TMC1: variants seen among roughly 807,000 people sequenced by gnomAD.
TMC1 encodes transmembrane channel-like protein 1.
In TMC1, 84 loss-of-function variants were observed where a neutral mutation model predicts 105.8. The observed-to-expected ratio is 0.79, with a 90% CI of 0.67 to 0.95. TMC1 has a LOEUF of 0.95. Among genes scored for constraint, TMC1 ranks in the 40% least tolerant of loss-of-function variants. The pLI is 0.00. For synonymous variants in TMC1, 315 were observed against 311.5 expected (o/e 1.01, Z -0.12); for missense variants, 817 against 914.1 (o/e 0.89, Z 1.37).
chr9:72,571,453 T>C (rs529210316), intron 1 of TMC1, among the ~76,000 whole-genome samples: 2 of 151,314 alleles, frequency 1.3e-5, no homozygotes, highest in African/African-American at 2.4e-5. Flanking sequence ...TTTTTTTTTT[T>C]TTCTTTTTTT....
intron 8 of TMC1, among the ~76,000 whole-genome samples, chr9:72,721,358 G>T (rs992693324): frequency 1.3e-5 from 2 of 152,180 alleles, no homozygotes; most frequent in African/African-American, 4.8e-5. Flanking sequence ...GCCTTTGGAA[G>T]CTTAGGGCTG....
chr9:72,716,524 C>T (rs946054089), intron 8 of TMC1, among the ~76,000 whole-genome samples: 3 of 152,252 alleles, frequency 2.0e-5, no homozygotes, highest in African/African-American at 7.2e-5. Context: ...TGGTGAGCTT[C>T]GTCCAGTTTG....
rs145895347 is a variant in TMC1, at chr9:72,776,737, G to A, written c.884+4182G>A. On this transcript the variant is annotated intron_variant, in intron 13 of 23. Coordinates refer to ENST00000297784, the MANE Select transcript of TMC1 (RefSeq NM_138691.3). ...GATGGAGAAATTAAGGCTCAGCAGA[G>A]TTTGAGGATTTCACTAAGTTCAAAT... Among the ~76,000 whole-genome samples the A allele has an allele frequency of 2.4e-3, 363 of 152,242 alleles. 2 individuals are homozygous for A. The highest frequency in any genetic ancestry group is 8.1e-3 in the African/African-American group (335 of 41,542).
intron 2 of TMC1, among the ~76,000 whole-genome samples, chr9:72,582,369 C>G (rs1403133062): frequency 6.6e-6 from 1 of 152,222 alleles, no homozygotes; most frequent in African/African-American, 2.4e-5. Context: ...CGATAATTTA[C>G]TTAGCTCCCT....
intron 1 of TMC1, among the ~76,000 whole-genome samples, chr9:72,568,892 A>G (rs1411946693): frequency 6.6e-6 from 1 of 152,224 alleles, no homozygotes; most frequent in Non-Finnish European, 1.5e-5. Context: ...TTTAGAAAAT[A>G]AAAGCTAAAT....
rs184458904 is a variant in TMC1, at chr9:72,737,012, G to A, written c.363-3107G>A. Among the ~76,000 whole-genome samples the A allele has an allele frequency of 3.3e-5, 5 of 152,308 alleles. No homozygotes were observed. In the East Asian group the frequency reaches 5.8e-4, roughly 18 times the overall value. On this transcript the variant is annotated intron_variant, in intron 8 of 23. Transcript: ENST00000297784. ...AAAAGACCTAACGTTCCCTGTGGAA[G>A]TTGGCCTTCAAAAGGGTGCAGCTTG...
At chr9:72,684,982 C>CA (rs1564489617) in intron 5 of TMC1, among the ~76,000 whole-genome samples, 1 of 150,814 alleles carries the variant, frequency 6.6e-6, no homozygotes, top group Admixed American at 6.6e-5. Flanking sequence ...TCTTCGTACA[C>CA]AAAAAAGAAT....
At chr9:72,534,961 T>TA (rs1036312664) in intron 1 of TMC1, among the ~76,000 whole-genome samples, 1 of 152,304 alleles carries the variant, frequency 6.6e-6, no homozygotes, top group Admixed American at 6.5e-5. Context: ...TCACTACTCT[T>TA]ACTTCAAATA....
At chr9:72,601,956 G>A (rs893126630) in intron 2 of TMC1, among the ~76,000 whole-genome samples, 1 of 152,204 alleles carries the variant, frequency 6.6e-6, no homozygotes, top group East Asian at 1.9e-4. Flanking sequence ...TGGGACCCAA[G>A]CCTAAACACA....
At chr9:72,627,303 G>T (rs1438320111) in intron 3 of TMC1, among the ~76,000 whole-genome samples, 1 of 152,064 alleles carries the variant, frequency 6.6e-6, no homozygotes, top group African/African-American at 2.4e-5. Flanking sequence ...GATTGTCAGG[G>T]GTCCTGATCT....
At chr9:72,548,170 C>T (rs1823803070) in intron 1 of TMC1, among the ~76,000 whole-genome samples, 1 of 152,100 alleles carries the variant, frequency 6.6e-6, no homozygotes, top group Admixed American at 6.6e-5. Flanking sequence ...GTGTTGGGAA[C>T]TGATTGATAA....
intron 1 of TMC1, among the ~76,000 whole-genome samples, chr9:72,543,840 G>T (rs1823718372): frequency 6.6e-6 from 1 of 151,992 alleles, no homozygotes; most frequent in Non-Finnish European, 1.5e-5. Flanking sequence ...GGGCTCAAGA[G>T]ATCCTCTCAT....
Position 72,830,445 on chromosome 9 carries a change from A to G in TMC1, c.2130-6A>G. ...TTACACTGTATTTTTTTTCTTTTTA[A>G]TTTAGTTTGGCCATCTATTATCTCA... On this transcript the variant is annotated splice_region_variant and splice_polypyrimidine_tract_variant and intron_variant, in intron 21 of 23. Coordinates refer to ENST00000297784, the MANE Select transcript of TMC1 (RefSeq NM_138691.3). 6.2e-7 allele frequency: 1 copy of G among 1,606,532 alleles called. No individual in the cohort carries two copies. Among genetic ancestry groups the G allele is most frequent in the Non-Finnish European group, 8.5e-7 (1 of 1,173,892 alleles).
chr9:72,612,207 A>G (rs772720517), intron 2 of TMC1, among the ~76,000 whole-genome samples: 6 of 151,994 alleles, frequency 3.9e-5, no homozygotes, highest in African/African-American at 7.3e-5. Context: ...TATCTGTTCA[A>G]TTGCCTACAT....
intron 4 of TMC1, chr9:72,628,298 G>A (rs1213259420): frequency 2.2e-5 from 6 of 272,664 alleles, no homozygotes; most frequent in Non-Finnish European, 4.4e-5. Flanking sequence ...GAGGGAAAAA[G>A]ATCTTGGCAG....
Position 72,639,227 on chromosome 9 carries a change from A to G in TMC1, c.-52-9370A>G, listed in dbSNP as rs954299499. Among the ~76,000 whole-genome samples, 11 of 152,164 alleles carry G rather than the reference A, an allele frequency of 7.2e-5. No individual in the cohort carries two copies. In the East Asian group the frequency reaches 2.1e-3, roughly 29 times the overall value. On this transcript the variant is annotated intron_variant, in intron 4 of 23. Transcript: ENST00000297784. ...GATGCTGGTGATATTCTAATGTACTATAACTTATTCTAATATTTCATGGGA... is the reference window on the plus strand; with the variant it reads ...GATGCTGGTGATATTCTAATGTACTGTAACTTATTCTAATATTTCATGGGA...
At chr9:72,741,020 GTTGTAGTCTA>G (rs1214523896) in intron 9 of TMC1, 1 of 152,414 alleles carries the variant, frequency 6.6e-6, no homozygotes, top group Non-Finnish European at 1.5e-5. Context: ...TTATTCATGT[GTTGTAGTCTA>G]TTGTATAAAG....
At chr9:72,827,286 T>C (rs908194852) in intron 21 of TMC1, among the ~76,000 whole-genome samples, 1 of 152,206 alleles carries the variant, frequency 6.6e-6, no homozygotes, top group African/African-American at 2.4e-5. Context: ...GAAACATAAA[T>C]GCTAAATGCT....
chr9:72,601,480 C>T (rs1290039690), intron 2 of TMC1, among the ~76,000 whole-genome samples: 2 of 152,040 alleles, frequency 1.3e-5, no homozygotes, highest in South Asian at 2.1e-4. Flanking sequence ...CCCGTCTCTA[C>T]TAAAAACACA....
Sources: allele counts gnomAD v4.1 joint callset (sites outside exome capture counted in the v4.1 genomes callset), GRCh38; gene constraint gnomAD v4.1.1; transcripts MANE v1.5; gene names NCBI Gene and HGNC (gene_info 2026-07-23, HGNC 2026-07-21).